ZNF385D: variants seen among roughly 807,000 people sequenced by gnomAD.
ZNF385D encodes zinc finger protein 385D.
In ZNF385D, 15 loss-of-function variants were observed where a neutral mutation model predicts 35.8. That is an observed-to-expected ratio of 0.42 (90% CI 0.28 to 0.64). ZNF385D has a LOEUF of 0.64. Among genes scored for constraint, ZNF385D ranks in the 30% least tolerant of loss-of-function variants. The pLI, the probability that ZNF385D is intolerant of heterozygous loss-of-function variation, is 0.23. For missense variants in ZNF385D, 474 were observed against 494.6 expected (o/e 0.96, Z 0.39); for synonymous variants, 212 against 186.8 (o/e 1.13, Z -1.10).
At chr3:21,665,522 G>A (rs1460607762) in intron 1 of ZNF385D, among the ~76,000 whole-genome samples, 1 of 152,096 alleles carries the variant, frequency 6.6e-6, no homozygotes, top group Non-Finnish European at 1.5e-5. Context: ...ATTTAACCTC[G>A]AACTCAGGCA....
intron 3 of ZNF385D, among the ~76,000 whole-genome samples, chr3:21,907,948 A>G (rs1192025856): frequency 6.6e-6 from 1 of 152,122 alleles, no homozygotes; most frequent in Non-Finnish European, 1.5e-5. Flanking sequence ...ATGGAAGGAT[A>G]AGCAAACTAT....
chr3:21,462,424 A>T (rs921987818), intron 4 of ZNF385D, among the ~76,000 whole-genome samples: 4 of 152,188 alleles, frequency 2.6e-5, no homozygotes, highest in Non-Finnish European at 4.4e-5. Context: ...GCAATTAAGT[A>T]AGCCAAGAGA....
chr3:21,954,104 G>C (rs1290270771), intron 3 of ZNF385D, among the ~76,000 whole-genome samples: 3 of 151,878 alleles, frequency 2.0e-5, no homozygotes, highest in Non-Finnish European at 4.4e-5. Flanking sequence ...ATCCCCATTT[G>C]GAAGATAAGA....
intron 3 of ZNF385D, among the ~76,000 whole-genome samples, chr3:22,023,248 C>T (rs78932664): frequency 2.0e-5 from 3 of 152,088 alleles, no homozygotes; most frequent in Admixed American, 6.6e-5. Flanking sequence ...AGCAGAGTGG[C>T]AACTGAGTCT....
intron 3 of ZNF385D, among the ~76,000 whole-genome samples, chr3:21,527,424 A>G (rs1708292159): frequency 6.6e-6 from 1 of 152,152 alleles, no homozygotes; most frequent in Admixed American, 6.5e-5. Context: ...TATATACCCA[A>G]CATAATTCAT....
Position 22,131,251 on chromosome 3 carries a change from T to C in ZNF385D, c.325+37566A>G, listed in dbSNP as rs138082212. 2.6e-5 allele frequency among the ~76,000 whole-genome samples: 4 copies of C among 151,908 alleles called. No individual in the cohort carries two copies. In the South Asian group the frequency reaches 8.3e-4, roughly 32 times the overall value. ...GTGGTCAGGAAGACTGGCAAAACAG[T>C]CCGGTAAGATGAGGACTGAGCTGAC... is the stretch of plus-strand genomic sequence containing the variant. On this transcript the variant is annotated intron_variant, in intron 3 of 5. Transcript: ENST00000494108.
intron 3 of ZNF385D, among the ~76,000 whole-genome samples, chr3:21,813,890 C>A (rs924999792): frequency 6.5e-4 from 99 of 152,194 alleles, no homozygotes; most frequent in Admixed American, 1.6e-3. Flanking sequence ...AACTCCAAGA[C>A]ACATAATTGT....
At chr3:21,936,630 A>T (rs1701272439) in intron 3 of ZNF385D, among the ~76,000 whole-genome samples, 1 of 152,100 alleles carries the variant, frequency 6.6e-6, no homozygotes, top group African/African-American at 2.4e-5. Context: ...TGAAACTTTA[A>T]GTGAAGACAT....
intron 3 of ZNF385D, among the ~76,000 whole-genome samples, chr3:22,119,775 T>C (rs1702992057): frequency 6.6e-6 from 1 of 152,090 alleles, no homozygotes; most frequent in African/African-American, 2.4e-5. Flanking sequence ...TGAACTGTTT[T>C]AGGAGATATC....
chr3:22,332,528 TAAA>T (rs1694986329), intron 2 of ZNF385D, among the ~76,000 whole-genome samples: 1 of 152,090 alleles, frequency 6.6e-6, no homozygotes, highest in South Asian at 2.1e-4. Flanking sequence ...AGGTTTGTAT[TAAA>T]AGACAATAGG....
In ZNF385D at chr3:21,947,704, CTA is replaced by C. The variant is rs551610071; in HGVS notation, c.325+221111_325+221112del. Among the ~76,000 whole-genome samples, 991 of 152,180 alleles carry C rather than the reference CTA, an allele frequency of 6.5e-3. 9 individuals carry two copies. The highest frequency in any genetic ancestry group is 0.022 in the African/African-American group (929 of 41,516). ...TGACTATTTTTTGCGTGTAATATCTCTATATGTATTAATCCATCTATCTTTTT... is the reference window on the plus strand; with the variant it reads ...TGACTATTTTTTGCGTGTAATATCTCTATGTATTAATCCATCTATCTTTTT... On this transcript the variant is annotated intron_variant, in intron 3 of 5. Transcript: ENST00000494108.
intron 1 of ZNF385D, among the ~76,000 whole-genome samples, chr3:21,670,691 C>G (rs1286634410): frequency 9.3e-6 from 1 of 107,966 alleles, no homozygotes; most frequent in African/African-American, 3.5e-5. Flanking sequence ...GAACGAATCC[C>G]CTTTGGCCAA....
rs1334512162 is a variant in ZNF385D, at chr3:21,848,179, T to C, written c.326-183151A>G. 6.6e-5 allele frequency among the ~76,000 whole-genome samples: 10 copies of C among 151,974 alleles called. No individual in the cohort carries two copies. In the East Asian group the frequency reaches 1.4e-3, roughly 21 times the overall value. ...TGATGTAGAATATTGCAGGATTTCC[T>C]TTTTTTTAAAAAAGGACAAATAATA... On this transcript the variant is annotated intron_variant, in intron 3 of 5. Transcript: ENST00000494108.
At chr3:21,654,083 C>T (rs530644588) in intron 2 of ZNF385D, among the ~76,000 whole-genome samples, 2 of 151,704 alleles carry the variant, frequency 1.3e-5, no homozygotes, top group African/African-American at 4.8e-5. Context: ...ACTGTCATTT[C>T]TTTTACCTTC....
chr3:21,713,518 T>C (rs943245884), intron 1 of ZNF385D, among the ~76,000 whole-genome samples: 6 of 152,260 alleles, frequency 3.9e-5, no homozygotes, highest in Middle Eastern at 3.4e-3. Flanking sequence ...TTCTCTCTCC[T>C]AGCTTCAAAT....
At position 21,664,868 on chromosome 3, in the gene ZNF385D, A is replaced by T; in HGVS notation, c.165+18T>A. ...AATACCTTCCACTCAGGCAAAGACA[A>T]ATTTGGCAGGTACTTACCGCATTGA... is the stretch of plus-strand genomic sequence containing the variant. On this transcript the variant is annotated intron_variant, in intron 2 of 7. Transcript: ENST00000281523. The T allele has an allele frequency of 6.2e-7, 1 of 1,613,440 alleles. No homozygotes were observed. Among genetic ancestry groups the T allele is most frequent in the South Asian group, 1.1e-5 (1 of 91,054 alleles).
intron 2 of ZNF385D, among the ~76,000 whole-genome samples, chr3:22,221,634 C>A (rs544564347): frequency 6.6e-6 from 1 of 151,998 alleles, no homozygotes; most frequent in Admixed American, 6.6e-5. Flanking sequence ...TGTAGCTGTG[C>A]GTTTTTGATC....
At chr3:21,563,910 C>G (rs1439431793) in intron 3 of ZNF385D, among the ~76,000 whole-genome samples, 1 of 151,990 alleles carries the variant, frequency 6.6e-6, no homozygotes, top group East Asian at 1.9e-4. Context: ...TGTGATGGAT[C>G]CAGAGTCCAC....
intron 2 of ZNF385D, among the ~76,000 whole-genome samples, chr3:21,611,607 A>G (rs1363397365): frequency 6.6e-6 from 1 of 152,150 alleles, no homozygotes; most frequent in Non-Finnish European, 1.5e-5. Flanking sequence ...ATGTACTTTG[A>G]AAGTACATTA....
Sources: allele counts gnomAD v4.1 joint callset (sites outside exome capture counted in the v4.1 genomes callset), GRCh38; gene constraint gnomAD v4.1.1; transcripts MANE v1.5; gene names NCBI Gene and HGNC (gene_info 2026-07-23, HGNC 2026-07-21).